LRRC14: variants seen among roughly 807,000 people sequenced by gnomAD.
LRRC14 encodes the protein leucine-rich repeat-containing protein 14.
A neutral mutation model predicts 25.3 loss-of-function variants in LRRC14; 16 were observed. The ratio of observed to expected loss-of-function variants is 0.63; its 90% CI spans 0.43 to 0.96. LRRC14 has a LOEUF of 0.96. Ranked by LOEUF, LRRC14 falls within the 40% of genes least tolerant of loss-of-function variation. The probability of loss-of-function intolerance (pLI) is 0.00; values close to 1 mark genes in which losing one functional copy is unlikely to be tolerated. For synonymous variants in LRRC14, 359 were observed against 295.1 expected (o/e 1.22, Z -2.22); for missense variants, 594 against 660.5 (o/e 0.90, Z 1.10).
Position 144,524,013 on chromosome 8 carries a change from G to T in LRRC14, c.*2535G>T. 7.1e-7 allele frequency: 1 copy of T among 1,406,346 alleles called. No individual in the cohort carries two copies. The highest frequency in any genetic ancestry group is 9.7e-7 in the Non-Finnish European group (1 of 1,030,810). The allele number at this position is 1,406,346 out of a possible 1,614,324, so 87.1% of individuals were successfully genotyped here. A position where few individuals can be genotyped will look rare whatever the true frequency, so the allele number is the denominator to read the frequency against. On this transcript the variant is annotated 3_prime_UTR_variant, in exon 4 of 4. Transcript: ENST00000292524. The stretch of plus-strand genomic sequence containing the variant: ...CGGTGGTGCAGCCTTCCAGACTGCT[G>T]CCCAGTTGCCTGATGTCAGAGCCCC...
rs944631752 is a variant in LRRC14 at position 144,519,734 on chromosome 8, G to A, written c.9G>A (p.Thr3=). The change falls in exon 2 of 4, where the codon ACG becomes ACA. Residue 3 remains threonine, a synonymous_variant. Transcript: ENST00000292524. ...CTGCCCGGCCCAGCACCATGCACAC[G>A]CTTGTGTTCTTGAGCACACGGCAGG... is the stretch of plus-strand genomic sequence containing the variant. MH[T]LVFLSTRQVL... is the part of the protein sequence containing the mutation. 3.7e-6 allele frequency: 6 copies of A among 1,611,390 alleles called. No individual in the cohort carries two copies. The highest frequency in any genetic ancestry group is 5.1e-6 in the Non-Finnish European group (6 of 1,179,464).
At position 144,522,133 on chromosome 8, in the gene LRRC14, C is replaced by T. The variant is rs894448538; in HGVS notation, c.*655C>T. 6 of 306,062 alleles carry T rather than the reference C, an allele frequency of 2.0e-5. No individual in the cohort carries two copies. Among genetic ancestry groups the T allele is most frequent in the Non-Finnish European group, 3.6e-5 (6 of 165,956 alleles). 19.0% of individuals were successfully genotyped at this position (306,062 alleles called of 1,614,324 possible). A position where few individuals can be genotyped will look rare whatever the true frequency, so the allele number is the denominator to read the frequency against. ...AACTGCCATCCAGCCTGTCGCCCCG[C>T]CCTTCGCGGGGCAGCCCCGTCGGCA... On this transcript the variant is annotated 3_prime_UTR_variant, in exon 4 of 4. Coordinates refer to ENST00000292524, the MANE Select transcript of LRRC14 (RefSeq NM_014665.4).
Position 144,524,770 on chromosome 8 carries a change from C to T in LRRC14, c.*3292C>T, listed in dbSNP as rs1297813870. The T allele has an allele frequency of 4.9e-6, 7 of 1,434,492 alleles. No homozygotes were observed. In the East Asian group the frequency reaches 1.1e-4, roughly 22 times the overall value. The allele number at this position is 1,434,492 out of a possible 1,614,324, so 88.9% of individuals were successfully genotyped here. On this transcript the variant is annotated 3_prime_UTR_variant, in exon 4 of 4. Coordinates refer to ENST00000292524, the MANE Select transcript of LRRC14 (RefSeq NM_014665.4). The stretch of plus-strand genomic sequence containing the variant: ...CTTACCCCGTTGCGGGGGTCTTCCT[C>T]TCCCTGGGGGCACCCCGTCCTCCCG...
Position 144,524,870 on chromosome 8 carries a change from C to G in LRRC14, c.*3392C>G. ...CGACGCGCAACCGCAGGGCGCCACA[C>G]TCCACCGTGGCGCTGTAGCAGCGGC... is the stretch of plus-strand genomic sequence containing the variant. On this transcript the variant is annotated 3_prime_UTR_variant, in exon 4 of 4. Transcript: ENST00000292524. 1 of 1,509,588 alleles carries G rather than the reference C, an allele frequency of 6.6e-7. No homozygotes were observed. Among genetic ancestry groups the G allele is most frequent in the South Asian group, 1.2e-5 (1 of 82,554 alleles). 93.5% of individuals were successfully genotyped at this position (1,509,588 alleles called of 1,614,324 possible). A position where few individuals can be genotyped will look rare whatever the true frequency, so the allele number is the denominator to read the frequency against.
chr8:144,524,683 C>G lies in LRRC14; in HGVS notation c.*3205C>G, dbSNP rs1172246919. ...GCGAGTGGCGCCAGGGCTCCCGGCT[C>G]TAGGCGGGCGATGTTGTTGTCCTGC... On this transcript the variant is annotated 3_prime_UTR_variant, in exon 4 of 4. Transcript: ENST00000292524. 1.6e-5 allele frequency: 23 copies of G among 1,473,992 alleles called. 1 individual carries two copies. The Middle Eastern group carries it at 5.5e-4, about 35-fold the overall frequency. 91.3% of individuals were successfully genotyped at this position (1,473,992 alleles called of 1,614,324 possible). A position where few individuals can be genotyped will look rare whatever the true frequency, so the allele number is the denominator to read the frequency against.
intron 1 of LRRC14, chr8:144,519,402 A>G (rs932345424): frequency 2.2e-6 from 1 of 455,078 alleles, no homozygotes; most frequent in Non-Finnish European, 4.0e-6. Flanking sequence ...CTGCAAGGCA[A>G]CAGGCATCTG....
chr8:144,524,758 G>T lies in LRRC14; in HGVS notation c.*3280G>T. The stretch of plus-strand genomic sequence containing the variant: ...AAAGAGGAGGCGCTTACCCCGTTGC[G>T]GGGGTCTTCCTCTCCCTGGGGGCAC... On this transcript the variant is annotated 3_prime_UTR_variant, in exon 4 of 4. Coordinates refer to ENST00000292524, the MANE Select transcript of LRRC14 (RefSeq NM_014665.4). The T allele has an allele frequency of 7.0e-7, 1 of 1,434,134 alleles. No homozygotes were observed. The allele number at this position is 1,434,134 out of a possible 1,614,324, so 88.8% of individuals were successfully genotyped here. A position where few individuals can be genotyped will look rare whatever the true frequency, so the allele number is the denominator to read the frequency against.
rs1292061997 is a variant in LRRC14 at position 144,523,338 on chromosome 8, G to T, written c.*1860G>T. 6.3e-7 allele frequency: 1 copy of T among 1,589,502 alleles called. No homozygotes were observed. Among genetic ancestry groups the T allele is most frequent in the African/African-American group, 1.3e-5 (1 of 74,234 alleles). Reference sequence around the variant, plus strand: ...ATGATCTTCCTGTCCCTGGAGGTGAGCAGCCGCTGGCCGCCCTCCTTGATC... The same window carrying T: ...ATGATCTTCCTGTCCCTGGAGGTGATCAGCCGCTGGCCGCCCTCCTTGATC... On this transcript the variant is annotated 3_prime_UTR_variant, in exon 4 of 4. Transcript: ENST00000292524.
rs1436743537 is a variant in LRRC14 at position 144,523,861 on chromosome 8, G to A, written c.*2383G>A. On this transcript the variant is annotated 3_prime_UTR_variant, in exon 4 of 4. Coordinates refer to ENST00000292524, the MANE Select transcript of LRRC14 (RefSeq NM_014665.4). ...TTGTCTGCCTCCCCTCAGCCTAAAAGTGTGCAGAACCCTCAATTCTGTTAA... is the reference window on the plus strand; with the variant it reads ...TTGTCTGCCTCCCCTCAGCCTAAAAATGTGCAGAACCCTCAATTCTGTTAA... The A allele has an allele frequency of 7.5e-6, 4 of 533,956 alleles. No individual in the cohort carries two copies. The highest frequency in any genetic ancestry group is 1.3e-5 in the Non-Finnish European group (4 of 303,540). The allele number at this position is 533,956 out of a possible 1,614,324, so 33.1% of individuals were successfully genotyped here.
At position 144,522,335 on chromosome 8, in the gene LRRC14, ATTCCCGAGTGCAACG is replaced by A. The variant is rs1816125752; in HGVS notation, c.*864_*878del. ...GGCCACCTTCCATTGCTACCCCAGG[ATTCCCGAGTGCAACG>A]TTCCCGGCTCGCGCCCCACACACGG... On this transcript the variant is annotated 3_prime_UTR_variant, in exon 4 of 4. Coordinates refer to ENST00000292524, the MANE Select transcript of LRRC14 (RefSeq NM_014665.4). The A allele has an allele frequency of 7.9e-7, 1 of 1,260,840 alleles. No individual in the cohort carries two copies. The highest frequency in any genetic ancestry group is 1.0e-6 in the Non-Finnish European group (1 of 980,780). 78.1% of individuals were successfully genotyped at this position (1,260,840 alleles called of 1,614,324 possible). A position where few individuals can be genotyped will look rare whatever the true frequency, so the allele number is the denominator to read the frequency against.
In LRRC14 at chr8:144,520,694, A is replaced by G; in HGVS notation, c.786A>G (p.Ser262=). 1.2e-6 allele frequency: 2 copies of G among 1,600,408 alleles called. No individual in the cohort carries two copies. Among genetic ancestry groups the G allele is most frequent in the Non-Finnish European group, 1.7e-6 (2 of 1,179,958 alleles). Residue 262 remains serine, a synonymous_variant, in exon 3 of 4, where the codon TCA becomes TCG. Transcript: ENST00000292524. The part of the protein sequence containing the change: ...SLRLHYVHGD[S]RQPSVDGEDN... ...GGCTCCACTATGTGCATGGGGATTC[A>G]AGGCAGCCCTCCGTGGATGGCGAGG...
At position 144,523,512 on chromosome 8, in the gene LRRC14, C is replaced by A; in HGVS notation, c.*2034C>A. 1 of 1,422,226 alleles carries A rather than the reference C, an allele frequency of 7.0e-7. No homozygotes were observed. 88.1% of individuals were successfully genotyped at this position (1,422,226 alleles called of 1,614,324 possible). ...GGACAGAGGCCTCTTTCCCACCTCC[C>A]ACAGCGTTTTCACACGGAGTCCAAG... On this transcript the variant is annotated 3_prime_UTR_variant, in exon 4 of 4. Coordinates refer to ENST00000292524, the MANE Select transcript of LRRC14 (RefSeq NM_014665.4).
chr8:144,520,570 G>C lies in LRRC14; in HGVS notation c.662G>C (p.Cys221Ser), dbSNP rs774299502. ...VALLQLLDAG[C>S]LRRVDLRFNN... ...CTGCTGCAGCTTCTGGATGCAGGCT[G>C]CCTGCGCCGCGTGGACCTGCGCTTC... The change falls in exon 3 of 4, where the codon TGC becomes TCC. Residue 221 changes from cysteine to serine, a missense_variant. By Grantham distance (112) the Cys-to-Ser change is moderately radical. Transcript: ENST00000292524. The C allele has an allele frequency of 6.2e-7, 1 of 1,600,230 alleles. No homozygotes were observed. Among genetic ancestry groups the C allele is most frequent in the East Asian group, 2.2e-5 (1 of 44,876 alleles).
In LRRC14 at chr8:144,523,173, G is replaced by A. The variant is rs1471781700; in HGVS notation, c.*1695G>A. 2 of 1,610,140 alleles carry A rather than the reference G, an allele frequency of 1.2e-6. No homozygotes were observed. Among genetic ancestry groups the A allele is most frequent in the Non-Finnish European group, 1.7e-6 (2 of 1,179,036 alleles). On this transcript the variant is annotated 3_prime_UTR_variant, in exon 4 of 4. Coordinates refer to ENST00000292524, the MANE Select transcript of LRRC14 (RefSeq NM_014665.4). ...AATGGCTGCGGGTAGCCGGAGGCTT[G>A]GCAGGCAACCCGCAGGTCCTCACCC...
At position 144,521,441 on chromosome 8, in the gene LRRC14, T is replaced by C. The variant is rs1253628240; in HGVS notation, c.1445T>C (p.Ile482Thr). Residue 482 changes from isoleucine (I) to threonine (T), a missense_variant, in exon 4 of 4, where the codon ATC becomes ACC. Physicochemically the swap from Ile to Thr is moderately conservative, Grantham distance 89 (BLOSUM62 -1). Transcript: ENST00000292524. Reference sequence around the variant, plus strand: ...GCCCATGTGCTCTGGACCACGGACATCTACGGGCGACTGGCTGCGGACTAC... The same window carrying C: ...GCCCATGTGCTCTGGACCACGGACACCTACGGGCGACTGGCTGCGGACTAC... ...GRAHVLWTTD[I>T]YGRLAADYFS... is the part of the protein sequence containing the mutation. 6.2e-7 allele frequency: 1 copy of C among 1,606,952 alleles called. No homozygotes were observed. The highest frequency in any genetic ancestry group is 1.1e-5 in the South Asian group (1 of 91,088).
At position 144,523,061 on chromosome 8, in the gene LRRC14, C is replaced by T; in HGVS notation, c.*1583C>T. ...GCTGCCCGTGTCGGATGCCGAGTGTCCGCCCAGGCCCAGCAACCCGCCTTC... is the reference window on the plus strand; with the variant it reads ...GCTGCCCGTGTCGGATGCCGAGTGTTCGCCCAGGCCCAGCAACCCGCCTTC... On this transcript the variant is annotated 3_prime_UTR_variant, in exon 4 of 4. Transcript: ENST00000292524. 6.2e-7 allele frequency: 1 copy of T among 1,604,212 alleles called. No homozygotes were observed. The highest frequency in any genetic ancestry group is 8.5e-7 in the Non-Finnish European group (1 of 1,177,356).
Position 144,523,369 on chromosome 8 carries a change from A to C in LRRC14, c.*1891A>C, listed in dbSNP as rs2620651. On this transcript the variant is annotated 3_prime_UTR_variant, in exon 4 of 4. Transcript: ENST00000292524. ...GCTGGCCGCCCTCCTTGATCCAGGC[A>C]CCCAGCCAGTGCAGGGCGCAGTCAC... 36,664 of 1,572,444 alleles carry C rather than the reference A, an allele frequency of 0.023. 5,608 individuals carry two copies. The African/African-American group carries it at 0.38, about 16-fold the overall frequency.
intron 2 of LRRC14, 87 bp downstream of exon 2, chr8:144,520,141 C>T (rs1189302262): frequency 1.5e-5 from 23 of 1,565,404 alleles, no homozygotes; most frequent in Non-Finnish European, 1.8e-5. Context: ...AGCAAGAGCT[C>T]ATGCAGGAGC....
rs780037818 is a variant in LRRC14, at chr8:144,521,152, C to G, written c.1156C>G (p.Leu386Val). 1 of 1,613,148 alleles carries G rather than the reference C, an allele frequency of 6.2e-7. No individual in the cohort carries two copies. The change falls in exon 4 of 4, where the codon CTA becomes GTA. Residue 386 changes from leucine to valine, a missense_variant. Physicochemically the swap from Leu to Val is conservative, Grantham distance 32. Transcript: ENST00000292524. ...CGCAGACACCCAGCTGTTGGCCACA[C>G]TACCCATCCTGACTCAGTGCGCCAG... is the stretch of plus-strand genomic sequence containing the variant. ...QLADTQLLAT[L>V]PILTQCASLR...
Sources: gnomAD v4.1 joint callset for allele counts on GRCh38, gnomAD v4.1.1 for gene constraint, MANE v1.5 for transcripts, NCBI Gene and HGNC (gene_info 2026-07-23, HGNC 2026-07-21) for gene names.